Variants in DMD observed in about 807,000 individuals in gnomAD.
DMD encodes mutant dystrophin.
A neutral mutation model predicts 330.1 loss-of-function variants in DMD; 63 were observed. That is an observed-to-expected ratio of 0.19 (90% CI 0.16 to 0.24). The LOEUF (loss-of-function observed/expected upper bound fraction) is 0.24. Among genes scored for constraint, DMD ranks in the 10% least tolerant of loss-of-function variants. DMD has a pLI of 1.00. For missense variants in DMD, 3,344 were observed against 2,684.1 expected (o/e 1.25, Z -5.43); for synonymous variants, 1,223 against 959.8 (o/e 1.27, Z -5.07).
intron 76 of DMD, among the ~76,000 whole-genome samples, chrX:31,137,405 A>G (rs774799269): frequency 5.4e-5 from 6 of 111,966 alleles, no homozygotes; most frequent in African/African-American, 9.7e-5. Flanking sequence ...TTAATGCCTA[A>G]TATTTTCTGT....
chrX:33,035,545 T>C (rs1411903781), intron 1 of DMD, among the ~76,000 whole-genome samples: 1 of 112,139 alleles, frequency 8.9e-6, no homozygotes, highest in East Asian at 2.8e-4. Context: ...TTTTCTGTAA[T>C]GTACTTTGAC....
At chrX:31,169,247 A>C (rs2039734786) in intron 74 of DMD, among the ~76,000 whole-genome samples, 196 bp downstream of exon 74, 1 of 110,618 alleles carries the variant, frequency 9.0e-6, no homozygotes. Context: ...GTTCTTCATC[A>C]TACTATTGCA....
chrX:32,651,745 G>T (rs1316622583), intron 9 of DMD, among the ~76,000 whole-genome samples: 1 of 111,539 alleles, frequency 9.0e-6, no homozygotes, highest in Admixed American at 9.5e-5. Flanking sequence ...AACATCTCAT[G>T]TACCCCATAA....
At chrX:32,316,928 T>C (rs984493949) in intron 41 of DMD, among the ~76,000 whole-genome samples, 2 of 111,220 alleles carry the variant, frequency 1.8e-5, no homozygotes, top group African/African-American at 6.5e-5. Flanking sequence ...GACAGTTATT[T>C]AAAAATCAGT....
At chrX:31,162,083 G>C (rs1717346750) in intron 74 of DMD, among the ~76,000 whole-genome samples, 1 of 111,100 alleles carries the variant, frequency 9.0e-6, no homozygotes, top group Admixed American at 9.6e-5. Flanking sequence ...CAGAGCACTT[G>C]TAACAGTAGG....
chrX:32,756,380 G>C (rs758577478), intron 7 of DMD: 34 of 111,676 alleles, frequency 3.0e-4, no homozygotes, highest in African/African-American at 1.1e-3. Flanking sequence ...AGCTAAATGT[G>C]AATGTCTAGT....
chrX:31,925,743 A>G (rs1370927318), intron 47 of DMD, among the ~76,000 whole-genome samples: 7 of 109,411 alleles, frequency 6.4e-5, no homozygotes, highest in African/African-American at 1.0e-4. Flanking sequence ...GTGGTGGTGC[A>G]TGCCTGTAAT....
At chrX:33,181,512 G>A (rs2050003767) in intron 1 of DMD, among the ~76,000 whole-genome samples, 1 of 111,727 alleles carries the variant, frequency 9.0e-6, no homozygotes, top group African/African-American at 3.3e-5. Context: ...GTGGATAACA[G>A]CAAGGGATAG....
chrX:32,236,896 T>C (rs2097189903), intron 43 of DMD, among the ~76,000 whole-genome samples: 1 of 112,246 alleles, frequency 8.9e-6, no homozygotes, highest in South Asian at 3.7e-4. Context: ...TTTTAAACTT[T>C]AAAAATATTT....
intron 7 of DMD, among the ~76,000 whole-genome samples, chrX:32,736,947 G>A (rs1220690279): frequency 9.2e-6 from 1 of 108,867 alleles, no homozygotes; most frequent in Admixed American, 9.8e-5. Context: ...AAAAATTTCA[G>A]CAAACCAAAA....
intron 13 of DMD, among the ~76,000 whole-genome samples, chrX:32,585,724 A>AAAAAAAAAAAG (rs1569253179): frequency 9.8e-6 from 1 of 101,934 alleles, no homozygotes; most frequent in Non-Finnish European, 2.0e-5. Flanking sequence ...AAAAAAAAAA[A>AAAAAAAAAAAG]AAAAAAGAAT....
At chrX:31,907,732 G>A (rs771424003) in intron 47 of DMD, among the ~76,000 whole-genome samples, 13 of 111,822 alleles carry the variant, frequency 1.2e-4, no homozygotes, top group Non-Finnish European at 2.1e-4. Flanking sequence ...CTAATTAAAC[G>A]AAAGAGCTTC....
intron 62 of DMD, among the ~76,000 whole-genome samples, chrX:31,270,787 T>A (rs866984151): frequency 1.8e-5 from 2 of 111,664 alleles, no homozygotes; most frequent in Non-Finnish European, 3.8e-5. Context: ...GGGGGCTTGA[T>A]CAGAAGACAA....
At chrX:31,157,047 T>C (rs778047408) in intron 74 of DMD, among the ~76,000 whole-genome samples, 27 of 112,112 alleles carry the variant, frequency 2.4e-4, no homozygotes, top group Admixed American at 8.5e-4. Flanking sequence ...TGAGATTTCC[T>C]TGATTTGACC....
intron 55 of DMD, among the ~76,000 whole-genome samples, chrX:31,552,982 C>T (rs1438328487): frequency 9.0e-6 from 1 of 111,556 alleles, no homozygotes; most frequent in Non-Finnish European, 1.9e-5. Flanking sequence ...CAGAAGTCTC[C>T]TGAAAATCTG....
chrX:32,662,782 T>G lies in DMD; in HGVS notation c.961-17630A>C, dbSNP rs746844952. On this transcript the variant is annotated intron_variant, in intron 9 of 78. Transcript: ENST00000357033. ...AAAGGCTGCAGAATTTCTAAACAAA[T>G]AAATTTGCTCCTTGTCAGCAGCATA... 4.5e-5 allele frequency among the ~76,000 whole-genome samples: 5 copies of G among 111,812 alleles called. No individual in the cohort carries two copies. In the East Asian group the frequency reaches 1.1e-3, roughly 25 times the overall value.
intron 73 of DMD, among the ~76,000 whole-genome samples, chrX:31,170,268 T>C (rs1281372236): frequency 9.0e-6 from 1 of 111,247 alleles, no homozygotes; most frequent in African/African-American, 3.3e-5. Flanking sequence ...CGGGGCAGAG[T>C]TTTTTTAAAT....
intron 60 of DMD, among the ~76,000 whole-genome samples, chrX:31,433,828 G>T (rs1021313190): frequency 6.4e-5 from 7 of 108,746 alleles, no homozygotes; most frequent in African/African-American, 2.4e-4. Context: ...AAATTTAGAT[G>T]TAAGTACTAC....
Position 32,167,920 on chromosome X carries a change from G to A in DMD, c.6438+48996C>T, listed in dbSNP as rs150674640. Among the ~76,000 whole-genome samples, 1,010 of 112,243 alleles carry A rather than the reference G, an allele frequency of 9.0e-3. 2 individuals carry two copies. Among genetic ancestry groups the A allele is most frequent in the Non-Finnish European group, 0.011 (574 of 53,243 alleles). ...AATACCACTTATGTAGCATTTTTTG[G>A]TTGGAATTTTAGGGTCAATATTTAG... is the stretch of plus-strand genomic sequence containing the variant. On this transcript the variant is annotated intron_variant, in intron 44 of 78. Coordinates refer to ENST00000357033, the MANE Select transcript of DMD (RefSeq NM_004006.3).
Sources: allele counts gnomAD v4.1 joint callset (sites outside exome capture counted in the v4.1 genomes callset), GRCh38; gene constraint gnomAD v4.1.1; transcripts MANE v1.5; gene names NCBI Gene and HGNC (gene_info 2026-07-23, HGNC 2026-07-21).